TNFRSF11A: variants seen among roughly 807,000 people sequenced by gnomAD.
TNFRSF11A encodes the protein tumor necrosis factor receptor superfamily member 11A.
Under a neutral mutation model 55.7 loss-of-function variants are expected in TNFRSF11A, and 32 were observed. That is an observed-to-expected ratio of 0.57 (90% CI 0.43 to 0.77). TNFRSF11A has a LOEUF of 0.77. Ranked by LOEUF, TNFRSF11A falls within the 30% of genes least tolerant of loss-of-function variation. TNFRSF11A has a pLI of 0.00. For synonymous variants in TNFRSF11A, 311 were observed against 331.0 expected (o/e 0.94, Z 0.65); for missense variants, 753 against 809.8 (o/e 0.93, Z 0.85).
rs1406341100 is a variant in TNFRSF11A, at chr18:62,325,945, G to A, written c.75+518G>A. ...AGCCCCTTCGGGGACACCCCTGCCA[G>A]CTCGCCTGGAGGCCCCGCACGGCGG... is the stretch of plus-strand genomic sequence containing the variant. On this transcript the variant is annotated intron_variant, in intron 1 of 9. Coordinates refer to ENST00000586569, the MANE Select transcript of TNFRSF11A (RefSeq NM_003839.4). This position sits in a 1 kb window ranked among gnomAD's most constrained non-coding sequence, Gnocchi z 4.7. 1.3e-5 allele frequency among the ~76,000 whole-genome samples: 2 copies of A among 152,306 alleles called. No individual in the cohort carries two copies. Among genetic ancestry groups the A allele is most frequent in the East Asian group, 3.9e-4 (2 of 5,150 alleles).
At chr18:62,347,236 T>C (rs753620239) in intron 1 of TNFRSF11A, among the ~76,000 whole-genome samples, 2 of 152,182 alleles carry the variant, frequency 1.3e-5, no homozygotes, top group Non-Finnish European at 2.9e-5. Context: ...GTGGTGTGCA[T>C]ACGTGGATGT....
intron 4 of TNFRSF11A, 170 bp from the exon 5 acceptor site, chr18:62,358,078 G>A: frequency 1.6e-6 from 1 of 645,120 alleles, no homozygotes; most frequent in South Asian, 1.7e-5. Flanking sequence ...CAAGCCTGTG[G>A]GAGCTGAAGA....
intron 1 of TNFRSF11A, among the ~76,000 whole-genome samples, chr18:62,340,157 A>C (rs1285255737): frequency 1.3e-5 from 2 of 151,748 alleles, no homozygotes; most frequent in Non-Finnish European, 2.9e-5. Context: ...ACACCACTGC[A>C]CTCTAGCCTA....
At chr18:62,364,416 G>A (rs1036132626) in intron 7 of TNFRSF11A, among the ~76,000 whole-genome samples, 1 of 152,134 alleles carries the variant, frequency 6.6e-6, no homozygotes, top group African/African-American at 2.4e-5. Flanking sequence ...GACCAAGGGC[G>A]GCCCTCTGGC....
At chr18:62,350,173 C>A (rs2046445100) in intron 3 of TNFRSF11A, among the ~76,000 whole-genome samples, 1 of 152,242 alleles carries the variant, frequency 6.6e-6, no homozygotes, top group Non-Finnish European at 1.5e-5. Context: ...TGGGACACAT[C>A]ATAGACTTGA....
chr18:62,331,532 G>C (rs2046153915), intron 1 of TNFRSF11A, among the ~76,000 whole-genome samples: 1 of 152,182 alleles, frequency 6.6e-6, no homozygotes, highest in African/African-American at 2.4e-5. Flanking sequence ...TGCAGGCTCT[G>C]ACATCTAGAG....
Position 62,325,349 on chromosome 18 carries a change from C to T in TNFRSF11A, c.-4C>T, listed in dbSNP as rs1474289629. ...CCGCGGCGCCCGCCAGCCTGTCCCG[C>T]GCCATGGCCCCGCGCGCCCGGCGGC... On this transcript the variant is annotated 5_prime_UTR_variant, in exon 1 of 10. Coordinates refer to ENST00000586569, the MANE Select transcript of TNFRSF11A (RefSeq NM_003839.4). The surrounding 1 kb of genome is among the most constrained non-coding windows in gnomAD (Gnocchi z 4.7). 6.9e-6 allele frequency: 7 copies of T among 1,016,864 alleles called. No homozygotes were observed. The highest frequency in any genetic ancestry group is 8.2e-6 in the Non-Finnish European group (7 of 854,082). The allele number at this position is 1,016,864 out of a possible 1,614,324, so 63.0% of individuals were successfully genotyped here.
chr18:62,373,232 C>T (rs1437866355), intron 9 of TNFRSF11A, among the ~76,000 whole-genome samples: 10 of 152,112 alleles, frequency 6.6e-5, no homozygotes, highest in Non-Finnish European at 1.3e-4. Context: ...CTGAGGTGGG[C>T]GGATCACTTT....
At chr18:62,363,341 G>A (rs1323862477) in intron 7 of TNFRSF11A, among the ~76,000 whole-genome samples, 1 of 149,612 alleles carries the variant, frequency 6.7e-6, no homozygotes, top group Non-Finnish European at 1.5e-5. Flanking sequence ...GTGTTAAGCA[G>A]TGAGCAATGT....
At chr18:62,349,180 T>C (rs200448109) in intron 2 of TNFRSF11A, among the ~76,000 whole-genome samples, 2 of 144,396 alleles carry the variant, frequency 1.4e-5, no homozygotes, top group African/African-American at 5.0e-5. Flanking sequence ...TTTTTTTTTT[T>C]CTTTTTTTCT....
chr18:62,354,416 C>G lies in TNFRSF11A; in HGVS notation c.309C>G (p.Ala103=). Residue 103 remains alanine, a synonymous_variant, in exon 4 of 10, where the codon GCC becomes GCG. Coordinates refer to ENST00000586569, the MANE Select transcript of TNFRSF11A (RefSeq NM_003839.4). The part of the protein sequence containing the change: ...DTGKALVAVV[A]GNSTTPRRCA... ...GCAAGGCCCTGGTGGCCGTGGTCGC[C>G]GGCAACAGCACGACCCCCCGGCGCT... 1 of 1,590,286 alleles carries G rather than the reference C, an allele frequency of 6.3e-7. No homozygotes were observed. The highest frequency in any genetic ancestry group is 8.5e-7 in the Non-Finnish European group (1 of 1,173,934).
intron 1 of TNFRSF11A, among the ~76,000 whole-genome samples, chr18:62,345,944 A>G (rs2046376883): frequency 6.6e-6 from 1 of 152,228 alleles, no homozygotes; most frequent in Non-Finnish European, 1.5e-5. Flanking sequence ...AATGAATCGC[A>G]GCCATACTCC....
chr18:62,367,626 G>A (rs1179717822), intron 8 of TNFRSF11A, among the ~76,000 whole-genome samples: 2 of 151,984 alleles, frequency 1.3e-5, no homozygotes, highest in East Asian at 3.8e-4. Flanking sequence ...ATTTCAGTGT[G>A]TATTTAAGAA....
In TNFRSF11A at chr18:62,361,802, T is replaced by G. The variant is rs767765470; in HGVS notation, c.730+9T>G. ...AGGGAAAGCACTCACAGGTATTGTGTCTATGGTGGTTTTTGCAAACCAATC... is the reference window on the plus strand; with the variant it reads ...AGGGAAAGCACTCACAGGTATTGTGGCTATGGTGGTTTTTGCAAACCAATC... On this transcript the variant is annotated intron_variant, in intron 7 of 9. Coordinates refer to ENST00000586569, the MANE Select transcript of TNFRSF11A (RefSeq NM_003839.4). The G allele has an allele frequency of 6.2e-7, 1 of 1,611,332 alleles. No homozygotes were observed. The highest frequency in any genetic ancestry group is 8.5e-7 in the Non-Finnish European group (1 of 1,177,410).
At chr18:62,364,555 G>A (rs1291450916) in intron 7 of TNFRSF11A, among the ~76,000 whole-genome samples, 3 of 152,130 alleles carry the variant, frequency 2.0e-5, no homozygotes, top group African/African-American at 7.2e-5. Flanking sequence ...TCCGTGGACA[G>A]GTATTATTTT....
At chr18:62,334,483 G>A (rs2046201337) in intron 1 of TNFRSF11A, among the ~76,000 whole-genome samples, 1 of 152,222 alleles carries the variant, frequency 6.6e-6, no homozygotes, top group Admixed American at 6.5e-5. Context: ...AGGGTGGGAG[G>A]AGGGAGAAGG....
intron 9 of TNFRSF11A, among the ~76,000 whole-genome samples, chr18:62,374,343 A>C (rs911842304): frequency 1.3e-5 from 2 of 152,188 alleles, no homozygotes; most frequent in African/African-American, 4.8e-5. Context: ...CCCTTCCCTT[A>C]CCATCACATA....
intron 8 of TNFRSF11A, among the ~76,000 whole-genome samples, chr18:62,367,899 T>C (rs1176603154): frequency 1.4e-5 from 2 of 147,666 alleles, no homozygotes; most frequent in Non-Finnish European, 3.0e-5. Flanking sequence ...GTTCAAGCGA[T>C]TCTTCTGCCT....
At chr18:62,358,875 G>C (rs1368998118) in intron 5 of TNFRSF11A, among the ~76,000 whole-genome samples, 1 of 152,144 alleles carries the variant, frequency 6.6e-6, no homozygotes, top group African/African-American at 2.4e-5. Flanking sequence ...TGTACTGTAA[G>C]TTATGTAATA....
Sources: gnomAD v4.1 joint callset for allele counts (sites outside exome capture counted in the v4.1 genomes callset) on GRCh38, gnomAD v4.1.1 for gene constraint, Gnocchi (gnomAD v3.1) non-coding constraint, MANE v1.5 for transcripts, NCBI Gene and HGNC (gene_info 2026-07-23, HGNC 2026-07-21) for gene names.